LCMT1: variants seen among roughly 807,000 people sequenced by gnomAD.
LCMT1 encodes the protein leucine carboxyl methyltransferase 1, also known as [Phosphatase 2A protein]-leucine-carboxy methyltransferase 1.
A neutral mutation model predicts 47.7 loss-of-function variants in LCMT1; 32 were observed. The ratio of observed to expected loss-of-function variants is 0.67; its 90% CI spans 0.51 to 0.90. The LOEUF (loss-of-function observed/expected upper bound fraction) is 0.90. Among genes scored for constraint, LCMT1 ranks in the 40% least tolerant of loss-of-function variants. The pLI, the probability that LCMT1 is intolerant of heterozygous loss-of-function variation, is 0.00. For missense variants in LCMT1, 375 were observed against 415.2 expected (o/e 0.90, Z 0.84); for synonymous variants, 152 against 149.7 (o/e 1.02, Z -0.11).
intron 1 of LCMT1, among the ~76,000 whole-genome samples, chr16:25,119,641 C>T (rs1959906492): frequency 6.6e-6 from 1 of 152,022 alleles, no homozygotes; most frequent in Admixed American, 6.5e-5. Context: ...GAAAAATGTT[C>T]TCCCCTTTAG....
At chr16:25,174,361 A>G (rs1308161024) in intron 9 of LCMT1, among the ~76,000 whole-genome samples, 1 of 152,250 alleles carries the variant, frequency 6.6e-6, no homozygotes, top group Non-Finnish European at 1.5e-5. Flanking sequence ...TTAAGAGACA[A>G]CTACCATTTC....
chr16:25,169,270 A>C, intron 8 of LCMT1, 57 bp downstream of exon 8: 1 of 1,151,728 alleles, frequency 8.7e-7, no homozygotes, highest in Non-Finnish European at 1.3e-6. Flanking sequence ...AAGATATATA[A>C]AGGTCTTTCT....
In LCMT1 at chr16:25,150,571, C is replaced by T. The variant is rs1474307832; in HGVS notation, c.405-983C>T. On this transcript the variant is annotated intron_variant, in intron 4 of 10. Coordinates refer to ENST00000399069, the MANE Select transcript of LCMT1 (RefSeq NM_016309.3). ...TTTGGTCGGGCTGGTCTTGAACTCCCGACCTCAGGTGATCTGCCTGCCTTG... is the reference window on the plus strand; with the variant it reads ...TTTGGTCGGGCTGGTCTTGAACTCCTGACCTCAGGTGATCTGCCTGCCTTG... Among the ~76,000 whole-genome samples, 11 of 151,728 alleles carry T rather than the reference C, an allele frequency of 7.2e-5. 1 individual carries two copies. Among genetic ancestry groups the T allele is most frequent in the East Asian group, 5.8e-4 (3 of 5,176 alleles).
At chr16:25,130,089 C>G (rs1257844505) in intron 2 of LCMT1, among the ~76,000 whole-genome samples, 1 of 152,156 alleles carries the variant, frequency 6.6e-6, no homozygotes, top group African/African-American at 2.4e-5. Flanking sequence ...ACCTGTAATT[C>G]CAGCACTTTG....
intron 5 of LCMT1, among the ~76,000 whole-genome samples, chr16:25,160,136 A>G (rs1961379148): frequency 6.6e-6 from 1 of 152,044 alleles, no homozygotes; most frequent in Non-Finnish European, 1.5e-5. Context: ...TTTAGTAGAG[A>G]CGGAGTTTTA....
intron 5 of LCMT1, among the ~76,000 whole-genome samples, chr16:25,154,236 A>G (rs868732474): frequency 3.3e-5 from 5 of 151,620 alleles, no homozygotes; most frequent in Middle Eastern, 3.4e-3. Flanking sequence ...CTGGTCTCGA[A>G]CTGCTAACCT....
chr16:25,161,512 A>G (rs1450718255), intron 6 of LCMT1, among the ~76,000 whole-genome samples: 1 of 152,106 alleles, frequency 6.6e-6, no homozygotes, highest in Non-Finnish European at 1.5e-5. Flanking sequence ...ATGCGCCACC[A>G]TGCCTGGCTA....
At chr16:25,119,567 G>A (rs1959904309) in intron 1 of LCMT1, among the ~76,000 whole-genome samples, 1 of 151,826 alleles carries the variant, frequency 6.6e-6, no homozygotes, top group Admixed American at 6.6e-5. Flanking sequence ...AAGCAGACCG[G>A]GGCTTATAAG....
At chr16:25,116,392 A>G (rs1336154298) in intron 1 of LCMT1, among the ~76,000 whole-genome samples, 2 of 152,186 alleles carry the variant, frequency 1.3e-5, no homozygotes, top group Admixed American at 1.3e-4. Flanking sequence ...TTCTCTGCTT[A>G]GACAAAATGA....
At chr16:25,113,048 G>A (rs962986132) in intron 1 of LCMT1, among the ~76,000 whole-genome samples, 11 of 150,556 alleles carry the variant, frequency 7.3e-5, no homozygotes, top group South Asian at 2.1e-4. Flanking sequence ...GGCTGAGGCC[G>A]GAGAATCATT....
rs763367563 is a variant in LCMT1, at chr16:25,178,055, G to T, written c.*32G>T. 2 of 1,611,822 alleles carry T rather than the reference G, an allele frequency of 1.2e-6. No homozygotes were observed. Among genetic ancestry groups the T allele is most frequent in the Non-Finnish European group, 1.7e-6 (2 of 1,178,652 alleles). On this transcript the variant is annotated 3_prime_UTR_variant, in exon 11 of 11. Coordinates refer to ENST00000399069, the MANE Select transcript of LCMT1 (RefSeq NM_016309.3). ...GAAGGCTTATGCCGAGCCAGAAGCC[G>T]AAGCCACTTGCCCTCCTGGAGGAGA...
chr16:25,128,994 A>G (rs1182858576), intron 2 of LCMT1, among the ~76,000 whole-genome samples: 1 of 143,842 alleles, frequency 7.0e-6, no homozygotes, highest in Non-Finnish European at 1.5e-5. Flanking sequence ...TTGATGAGTG[A>G]CAGGCCCCAG....
At chr16:25,177,939 T>TA (rs1337880603) in intron 10 of LCMT1, 62 bp from the exon 11 acceptor site, 9 of 1,515,422 alleles carry the variant, frequency 5.9e-6, no homozygotes, top group Middle Eastern at 3.4e-4. Context: ...GGGGGTCCTC[T>TA]AGGGGCCTCT....
intron 9 of LCMT1, 40 bp downstream of exon 9, chr16:25,170,845 G>A (rs184980015): frequency 3.0e-4 from 393 of 1,303,764 alleles, no homozygotes; most frequent in Non-Finnish European, 4.0e-4. Context: ...GGCATTCATT[G>A]TGAACTCAAG....
intron 7 of LCMT1, among the ~76,000 whole-genome samples, chr16:25,168,728 A>T (rs1455421343): frequency 6.6e-6 from 1 of 152,080 alleles, no homozygotes; most frequent in Admixed American, 6.5e-5. Flanking sequence ...CTCTGTTTTC[A>T]TGGCTATATA....
chr16:25,140,702 C>T (rs760103285), intron 4 of LCMT1: 4 of 157,382 alleles, frequency 2.5e-5, no homozygotes, highest in Non-Finnish European at 4.2e-5. Context: ...TGCGGGTCAG[C>T]GTATCTGGTT....
intron 1 of LCMT1, among the ~76,000 whole-genome samples, chr16:25,122,241 G>A (rs187825933): frequency 6.6e-6 from 1 of 152,136 alleles, no homozygotes; most frequent in Non-Finnish European, 1.5e-5. Context: ...CACTCATGAG[G>A]CTGAGCACTT....
chr16:25,177,225 TC>T (rs1300877129), intron 10 of LCMT1, among the ~76,000 whole-genome samples: 1 of 152,092 alleles, frequency 6.6e-6, no homozygotes, highest in Admixed American at 6.6e-5. Context: ...TATGTTATCC[TC>T]CTCTTAATTA....
intron 6 of LCMT1, among the ~76,000 whole-genome samples, chr16:25,163,537 TTCAC>T (rs1161998749): frequency 6.6e-6 from 1 of 152,244 alleles, no homozygotes; most frequent in East Asian, 1.9e-4. Context: ...CATTTGTCTA[TTCAC>T]TCATTTAGCA....
Sources: gnomAD v4.1 joint callset for allele counts (sites outside exome capture counted in the v4.1 genomes callset) on GRCh38, gnomAD v4.1.1 for gene constraint, MANE v1.5 for transcripts, NCBI Gene and HGNC (gene_info 2026-07-23, HGNC 2026-07-21) for gene names.